Variants in ZNF525 observed in about 807,000 individuals in gnomAD.
The protein encoded by ZNF525 is zinc finger protein 525.
Under a neutral mutation model 37.6 loss-of-function variants are expected in ZNF525, and 33 were observed. The ratio of observed to expected loss-of-function variants is 0.88; its 90% CI spans 0.67 to 1.17. The LOEUF (loss-of-function observed/expected upper bound fraction) is 1.17. Ranked by LOEUF, ZNF525 falls within the 50% of genes most tolerant of loss-of-function variation. The pLI, the probability that ZNF525 is intolerant of heterozygous loss-of-function variation, is 0.00. For synonymous variants in ZNF525, 170 were observed against 182.3 expected (o/e 0.93, Z 0.54); for missense variants, 449 against 543.1 (o/e 0.83, Z 1.72).
At chr19:53,376,276 T>G in intron 3 of ZNF525, 1 of 700,690 alleles carries the variant, frequency 1.4e-6, no homozygotes, top group Non-Finnish European at 2.6e-6. Context: ...TTTGCATATG[T>G]GTGTCCTTAG....
chr19:53,382,793 A>T lies in ZNF525; in HGVS notation c.*774A>T, dbSNP rs1230067695. ...TTCATACCTTGCAGTTCACGGGCGAACTCATGCTGGAGAGAAACCTTACAA... is the reference window on the plus strand; with the variant it reads ...TTCATACCTTGCAGTTCACGGGCGATCTCATGCTGGAGAGAAACCTTACAA... On this transcript the variant is annotated 3_prime_UTR_variant, in exon 4 of 4. Transcript: ENST00000474037. The T allele has an allele frequency of 2.7e-6, 3 of 1,129,188 alleles. No individual in the cohort carries two copies. Among genetic ancestry groups the T allele is most frequent in the Non-Finnish European group, 3.9e-6 (3 of 761,010 alleles). The allele number at this position is 1,129,188 out of a possible 1,614,324, so 69.9% of individuals were successfully genotyped here.
intron 3 of ZNF525, among the ~76,000 whole-genome samples, chr19:53,380,095 A>AT (rs879681746): frequency 2.3e-3 from 336 of 146,192 alleles, no homozygotes; most frequent in Middle Eastern, 0.011. Context: ...TCAGAAAAAT[A>AT]TTTTTTTTTT....
At position 53,384,100 on chromosome 19, in the gene ZNF525, T is replaced by G; in HGVS notation, c.*2081T>G. ...ATGAATATAGCAAACCATCAAGCAT[T>G]GATTGACATTAGAGTCAGTTCAGCA... On this transcript the variant is annotated 3_prime_UTR_variant, in exon 4 of 4. Transcript: ENST00000474037. 2.2e-6 allele frequency: 1 copy of G among 459,448 alleles called. No individual in the cohort carries two copies. The highest frequency in any genetic ancestry group is 1.8e-5 in the South Asian group (1 of 55,116). 28.5% of individuals were successfully genotyped at this position (459,448 alleles called of 1,614,324 possible).
In ZNF525 at chr19:53,384,463, T is replaced by G. The variant is rs1347556815; in HGVS notation, c.*2444T>G. 1 of 155,668 alleles carries G rather than the reference T, an allele frequency of 6.4e-6. No individual in the cohort carries two copies. Among genetic ancestry groups the G allele is most frequent in the African/African-American group, 2.4e-5 (1 of 41,490 alleles). 9.6% of individuals were successfully genotyped at this position (155,668 alleles called of 1,614,324 possible). A position where few individuals can be genotyped will look rare whatever the true frequency, so the allele number is the denominator to read the frequency against. The stretch of plus-strand genomic sequence containing the variant: ...ATGGGTTGTGTCTCTATATATGTTT[T>G]TAATCATTTTGATCAATTTTTGTTG... On this transcript the variant is annotated 3_prime_UTR_variant, in exon 4 of 4. Transcript: ENST00000474037.
At chr19:53,367,530 TAA>T (rs1420210227) in intron 1 of ZNF525, among the ~76,000 whole-genome samples, 1 of 152,076 alleles carries the variant, frequency 6.6e-6, no homozygotes, top group Non-Finnish European at 1.5e-5. Flanking sequence ...CAAGGAGAGG[TAA>T]GAGGTAAGGG....
intron 2 of ZNF525, among the ~76,000 whole-genome samples, chr19:53,373,286 GTA>G (rs2085500497): frequency 6.6e-6 from 1 of 151,926 alleles, no homozygotes; most frequent in Admixed American, 6.6e-5. Flanking sequence ...TTAGTGACAA[GTA>G]TCACCATGTT....
Position 53,382,998 on chromosome 19 carries a change from G to A in ZNF525, c.*979G>A, listed in dbSNP as rs896855618. On this transcript the variant is annotated 3_prime_UTR_variant, in exon 4 of 4. Coordinates refer to ENST00000474037, the MANE Select transcript of ZNF525 (RefSeq NM_001348156.2). ...GAGAAACCTTACAAGTGTAATGAAT[G>A]TGGCAAGGTTTTTAATCGCAAAGCA... 3 of 1,516,588 alleles carry A rather than the reference G, an allele frequency of 2.0e-6. No homozygotes were observed. Among genetic ancestry groups the A allele is most frequent in the Middle Eastern group, 1.7e-4 (1 of 5,724 alleles). The allele number at this position is 1,516,588 out of a possible 1,614,324, so 93.9% of individuals were successfully genotyped here.
In ZNF525 at chr19:53,385,192, G is replaced by T; in HGVS notation, c.*3173G>T. On this transcript the variant is annotated 3_prime_UTR_variant, in exon 4 of 4. Coordinates refer to ENST00000474037, the MANE Select transcript of ZNF525 (RefSeq NM_001348156.2). The stretch of plus-strand genomic sequence containing the variant: ...TTCTAGGACAAGGGATCTTCAAGAA[G>T]TTCTGGAAAAATACATATTATGAGA... The T allele has an allele frequency of 2.0e-6, 1 of 497,330 alleles. No individual in the cohort carries two copies. Among genetic ancestry groups the T allele is most frequent in the Non-Finnish European group, 3.5e-6 (1 of 283,282 alleles). 30.8% of individuals were successfully genotyped at this position (497,330 alleles called of 1,614,324 possible).
intron 1 of ZNF525, among the ~76,000 whole-genome samples, chr19:53,371,875 C>T (rs1240249739): frequency 6.6e-6 from 1 of 152,138 alleles, no homozygotes; most frequent in Non-Finnish European, 1.5e-5. Context: ...TCTCAAACTC[C>T]TGAGCTCAAG....
intron 1 of ZNF525, among the ~76,000 whole-genome samples, chr19:53,369,047 G>T (rs1208514319): frequency 1.3e-5 from 2 of 152,162 alleles, no homozygotes; most frequent in Non-Finnish European, 2.9e-5. Context: ...ATGAGTCTAG[G>T]TCTGCTGATG....
intron 1 of ZNF525, among the ~76,000 whole-genome samples, chr19:53,371,372 T>C (rs2085487163): frequency 6.6e-6 from 1 of 151,942 alleles, no homozygotes; most frequent in Admixed American, 6.6e-5. Flanking sequence ...CTAATTATTG[T>C]ATTTTTATTT....
At chr19:53,371,060 T>C (rs535215058) in intron 1 of ZNF525, among the ~76,000 whole-genome samples, 1 of 152,336 alleles carries the variant, frequency 6.6e-6, no homozygotes, top group Non-Finnish European at 1.5e-5. Context: ...ATGACAGCCC[T>C]GTCCCTTTCC....
intron 1 of ZNF525, among the ~76,000 whole-genome samples, chr19:53,366,184 C>T (rs2085442479): frequency 7.5e-6 from 1 of 133,860 alleles, no homozygotes; most frequent in African/African-American, 2.4e-5. Flanking sequence ...CCTACAAACC[C>T]CACCCTTGTC....
intron 1 of ZNF525, among the ~76,000 whole-genome samples, chr19:53,366,139 C>G (rs886459722): frequency 6.2e-5 from 9 of 146,014 alleles, no homozygotes; most frequent in Non-Finnish European, 1.2e-4. Flanking sequence ...CAGCTCCGGT[C>G]CCGGGGAGGC....
intron 2 of ZNF525, among the ~76,000 whole-genome samples, chr19:53,373,524 G>A (rs4803097): frequency 0.9 from 137,210 of 152,222 alleles, 61,904 homozygotes; most frequent in South Asian, 0.98. Context: ...TTTCTCTGTC[G>A]TGTCCTCCAC....
chr19:53,378,032 A>T (rs2085534125), intron 3 of ZNF525, among the ~76,000 whole-genome samples: 1 of 152,160 alleles, frequency 6.6e-6, no homozygotes, highest in Admixed American at 6.5e-5. Flanking sequence ...TGTCAGAAAT[A>T]GCTTAGACTG....
In ZNF525 at chr19:53,369,872, C is replaced by T. The variant is rs1353626749; in HGVS notation, c.-67-2343C>T. ...CCCCAGTAGCTGGGACTACAGGCGCCCGCCACCACGCCCAGCTAATTTTTT... is the reference window on the plus strand; with the variant it reads ...CCCCAGTAGCTGGGACTACAGGCGCTCGCCACCACGCCCAGCTAATTTTTT... On this transcript the variant is annotated intron_variant, in intron 1 of 3. Coordinates refer to ENST00000474037, the MANE Select transcript of ZNF525 (RefSeq NM_001348156.2). Among the ~76,000 whole-genome samples, 3 of 141,344 alleles carry T rather than the reference C, an allele frequency of 2.1e-5. 1 individual carries two copies. Among genetic ancestry groups the T allele is most frequent in the Admixed American group, 2.1e-4 (3 of 14,316 alleles). 92.7% of individuals were successfully genotyped at this position (141,344 alleles called of 152,430 possible).
rs533034242 is a variant in ZNF525 at position 53,386,248 on chromosome 19, A to G, written c.*4229A>G. ...GCTTCTTGCCACATCTTCTCAGAAG[A>G]CTTTCAGGATTAAGCGATTCCTGGC... is the stretch of plus-strand genomic sequence containing the variant. On this transcript the variant is annotated 3_prime_UTR_variant, in exon 4 of 4. Transcript: ENST00000474037. 32 of 659,062 alleles carry G rather than the reference A, an allele frequency of 4.9e-5. No individual in the cohort carries two copies. In the African/African-American group the frequency reaches 5.3e-4, roughly 11 times the overall value. The allele number at this position is 659,062 out of a possible 1,614,324, so 40.8% of individuals were successfully genotyped here. A position where few individuals can be genotyped will look rare whatever the true frequency, so the allele number is the denominator to read the frequency against.
chr19:53,368,279 G>A (rs950027053), intron 1 of ZNF525, among the ~76,000 whole-genome samples: 3 of 152,156 alleles, frequency 2.0e-5, no homozygotes, highest in African/African-American at 7.2e-5. Flanking sequence ...AGAAACGGGA[G>A]AATGAGTTTG....
Sources: allele counts gnomAD v4.1 joint callset (sites outside exome capture counted in the v4.1 genomes callset), GRCh38; gene constraint gnomAD v4.1.1; transcripts MANE v1.5; gene names NCBI Gene and HGNC (gene_info 2026-07-23, HGNC 2026-07-21).